KCNMA1: variants seen among roughly 807,000 people sequenced by gnomAD.
KCNMA1 encodes potassium calcium-activated channel subfamily M alpha 1, also known as Calcium-activated potassium channel subunit alpha-1.
Under a neutral mutation model 140.0 loss-of-function variants are expected in KCNMA1, and 29 were observed. The ratio of observed to expected loss-of-function variants is 0.21; its 90% CI spans 0.15 to 0.28. KCNMA1 has a LOEUF of 0.28. Among genes scored for constraint, KCNMA1 ranks in the 10% least tolerant of loss-of-function variants. The pLI is 1.00. For missense variants in KCNMA1, 880 were observed against 1,602.2 expected (o/e 0.55, Z 7.70); for synonymous variants, 612 against 611.9 (o/e 1.00, Z 0.00).
chr10:77,145,806 G>A (rs536244209), intron 5 of KCNMA1, among the ~76,000 whole-genome samples: 3 of 152,224 alleles, frequency 2.0e-5, no homozygotes, highest in East Asian at 1.9e-4. Flanking sequence ...GAAAAGAGAC[G>A]GAATCTGGGC....
intron 1 of KCNMA1, among the ~76,000 whole-genome samples, chr10:77,471,306 C>A (rs1367197008): frequency 6.6e-6 from 1 of 151,288 alleles, no homozygotes; most frequent in Non-Finnish European, 1.5e-5. Context: ...ACACACACTA[C>A]ACAGTGCACA....
At chr10:77,110,605 T>C (rs181149614) in intron 7 of KCNMA1, among the ~76,000 whole-genome samples, 32 of 152,298 alleles carry the variant, frequency 2.1e-4, no homozygotes, top group African/African-American at 7.2e-4. Context: ...GGGAAATATC[T>C]CTAGGCCTTT....
chr10:77,406,469 G>A (rs766055725), intron 1 of KCNMA1, among the ~76,000 whole-genome samples: 3 of 152,182 alleles, frequency 2.0e-5, no homozygotes, highest in Admixed American at 6.5e-5. Flanking sequence ...TTATCACAAT[G>A]AGCGGGCATC....
intron 2 of KCNMA1, among the ~76,000 whole-genome samples, chr10:77,393,241 C>A (rs2095899830): frequency 6.6e-6 from 1 of 151,688 alleles, no homozygotes; most frequent in South Asian, 2.1e-4. Flanking sequence ...GCTCAGCACT[C>A]TTGGAAGATG....
At chr10:77,270,208 G>A (rs763440411) in intron 2 of KCNMA1, among the ~76,000 whole-genome samples, 60 of 152,180 alleles carry the variant, frequency 3.9e-4, no homozygotes, top group Admixed American at 6.5e-4. Flanking sequence ...GTCACATATG[G>A]TTGAGAGACT....
chr10:77,520,159 C>A (rs78627656), intron 1 of KCNMA1, among the ~76,000 whole-genome samples: 5 of 1,582 alleles, frequency 3.2e-3, no homozygotes, highest in African/African-American at 7.4e-3. Context: ...TGAGGTCTGG[C>A]ATATGCAGTG....
chr10:77,012,117 C>A (rs1352185353), intron 17 of KCNMA1, 74 bp from the exon 18 acceptor site: 2 of 1,608,824 alleles, frequency 1.2e-6, no homozygotes, highest in Non-Finnish European at 1.7e-6. Flanking sequence ...ATTTCCTCCA[C>A]GGTGGTGCCA....
In KCNMA1 at chr10:77,121,389, GA is replaced by G. The variant is rs1274188707; in HGVS notation, c.809-342del. Among the ~76,000 whole-genome samples the G allele has an allele frequency of 2.0e-5, 3 of 152,288 alleles. No individual in the cohort carries two copies. In the East Asian group the frequency reaches 5.8e-4, roughly 29 times the overall value. On this transcript the variant is annotated intron_variant, in intron 5 of 27. Coordinates refer to ENST00000286628, the MANE Select transcript of KCNMA1 (RefSeq NM_001161352.2). The stretch of plus-strand genomic sequence containing the variant: ...AGTTATCTGGCAGGATTTTGTCTCT[GA>G]AAAATCCTAGGAATTGTGATAGCTC...
chr10:77,183,457 CG>C lies in KCNMA1; in HGVS notation c.771del (p.Val258CysfsTer7). On this transcript the variant is annotated frameshift_variant, in exon 5 of 28. Coordinates refer to ENST00000286628, the MANE Select transcript of KCNMA1 (RefSeq NM_001161352.2). LOFTEE classifies it high-confidence loss of function. ...CTGTTTAAGTACACAGACACAAACA[CG>C]GGGGGCACCGTGAAGAAATCCACTA... is the stretch of plus-strand genomic sequence containing the variant. Reference protein sequence around the residue: ...NSVVDFFTVPPVFVSVYLNRS... With the variant: ...NSVVDFFTVPXVFVSVYLNRS... 6.2e-7 allele frequency: 1 copy of C among 1,613,810 alleles called. No homozygotes were observed. The highest frequency in any genetic ancestry group is 8.5e-7 in the Non-Finnish European group (1 of 1,179,892).
intron 9 of KCNMA1, among the ~76,000 whole-genome samples, chr10:77,105,294 T>G (rs2097178302): frequency 6.6e-6 from 1 of 152,208 alleles, no homozygotes; most frequent in Non-Finnish European, 1.5e-5. Context: ...ATGTTTATAT[T>G]ATGCCAAACA....
chr10:77,588,309 G>T (rs1345577866), intron 1 of KCNMA1, among the ~76,000 whole-genome samples: 1 of 152,076 alleles, frequency 6.6e-6, no homozygotes, highest in East Asian at 1.9e-4. Flanking sequence ...AGGGGGATAG[G>T]GTCCCAAGAA....
At chr10:76,884,659 C>G (rs910181845), downstream of KCNMA1, 1 of 233,332 alleles carries the variant, frequency 4.3e-6, no homozygotes, top group Non-Finnish European at 8.2e-6. Flanking sequence ...CCAAATTACC[C>G]AACCCCACAC....
chr10:77,387,997 G>A (rs1002694274), intron 2 of KCNMA1, among the ~76,000 whole-genome samples: 2 of 152,262 alleles, frequency 1.3e-5, no homozygotes, highest in African/African-American at 4.8e-5. Flanking sequence ...CTCTGTAGCT[G>A]CTACTGATCA....
chr10:77,060,771 A>C (rs2095712593), intron 14 of KCNMA1, among the ~76,000 whole-genome samples: 1 of 152,156 alleles, frequency 6.6e-6, no homozygotes, highest in Admixed American at 6.5e-5. Context: ...TGTAATCTCT[A>C]TTGTCTTTTT....
chr10:77,583,417 T>C (rs990479792), intron 1 of KCNMA1, among the ~76,000 whole-genome samples: 4 of 152,178 alleles, frequency 2.6e-5, no homozygotes, highest in African/African-American at 9.7e-5. Context: ...GGGACACAAG[T>C]CCAGAAGGCA....
chr10:77,027,971 G>A lies in KCNMA1; in HGVS notation c.1860-80C>T, dbSNP rs559365001. The A allele has an allele frequency of 2.0e-3, 2,578 of 1,271,046 alleles. 56 individuals are homozygous for A. The South Asian group carries it at 0.029, about 14-fold the overall frequency. 78.7% of individuals were successfully genotyped at this position (1,271,046 alleles called of 1,614,324 possible). ...ATAACACACACTATTACGATCTTTC[G>A]GTCTCCTAATGCAGTCATTACCGAG... On this transcript the variant is annotated intron_variant, in intron 15 of 27. Transcript: ENST00000286628.
chr10:77,474,410 C>A (rs2154529527), intron 1 of KCNMA1, among the ~76,000 whole-genome samples: 1 of 152,252 alleles, frequency 6.6e-6, no homozygotes, highest in East Asian at 1.9e-4. Flanking sequence ...AGAAAAAAGA[C>A]CATGTGAAGA....
chr10:77,351,174 G>T (rs974652499), intron 2 of KCNMA1, among the ~76,000 whole-genome samples: 1 of 152,162 alleles, frequency 6.6e-6, no homozygotes, highest in Non-Finnish European at 1.5e-5. Flanking sequence ...TTTTTTAAGA[G>T]CTTTGTAAGT....
At chr10:77,494,707 G>T (rs959728897) in intron 1 of KCNMA1, among the ~76,000 whole-genome samples, 2 of 152,152 alleles carry the variant, frequency 1.3e-5, no homozygotes, top group African/African-American at 4.8e-5. Flanking sequence ...CGTCTGCTGG[G>T]GCTGCCATCA....
Sources: allele counts gnomAD v4.1 joint callset (sites outside exome capture counted in the v4.1 genomes callset), GRCh38; gene constraint gnomAD v4.1.1; transcripts MANE v1.5; gene names NCBI Gene and HGNC (gene_info 2026-07-23, HGNC 2026-07-21).